SLC49A4: variants seen among roughly 807,000 people sequenced by gnomAD.
The protein encoded by SLC49A4 is disrupted in renal cancer protein 2.
Under a neutral mutation model 50.6 loss-of-function variants are expected in SLC49A4, and 36 were observed. The ratio of observed to expected loss-of-function variants is 0.71; its 90% CI spans 0.55 to 0.94. The LOEUF is 0.94. Ranked by LOEUF, SLC49A4 falls within the 40% of genes least tolerant of loss-of-function variation. The pLI is 0.00. For synonymous variants in SLC49A4, 248 were observed against 241.2 expected (o/e 1.03, Z -0.26); for missense variants, 503 against 605.7 (o/e 0.83, Z 1.78).
At chr3:122,804,875 A>G (rs1208434279) in intron 1 of SLC49A4, among the ~76,000 whole-genome samples, 10 of 152,242 alleles carry the variant, frequency 6.6e-5, no homozygotes, top group African/African-American at 2.4e-4. Context: ...GATAAAAAGC[A>G]TAACTGAGTA....
At chr3:122,858,154 A>G (rs1465473436) in intron 6 of SLC49A4, among the ~76,000 whole-genome samples, 1 of 152,200 alleles carries the variant, frequency 6.6e-6, no homozygotes, top group Non-Finnish European at 1.5e-5. Context: ...ATTAAAGACC[A>G]CTATTAAAGA....
At chr3:122,859,962 C>A (rs1937037351) in intron 6 of SLC49A4, 113 bp from the exon 7 acceptor site, 1 of 975,242 alleles carries the variant, frequency 1.0e-6, no homozygotes, top group East Asian at 3.0e-5. Flanking sequence ...TGAAAACTGT[C>A]TTTTAAAAGA....
chr3:122,798,319 C>T (rs1260818554), intron 1 of SLC49A4, among the ~76,000 whole-genome samples: 1 of 151,294 alleles, frequency 6.6e-6, no homozygotes, highest in Non-Finnish European at 1.5e-5. Flanking sequence ...TGTTAATTTG[C>T]ACCCTTCTTA....
At chr3:122,810,080 T>C (rs1306371012) in intron 2 of SLC49A4, among the ~76,000 whole-genome samples, 1 of 152,224 alleles carries the variant, frequency 6.6e-6, no homozygotes, top group Admixed American at 6.5e-5. Flanking sequence ...GTCTGTGTTT[T>C]TGTGGCCTTG....
At chr3:122,852,143 A>G (rs571572104) in intron 5 of SLC49A4, among the ~76,000 whole-genome samples, 1 of 151,972 alleles carries the variant, frequency 6.6e-6, no homozygotes, top group African/African-American at 2.4e-5. Context: ...AGGCGCGTAC[A>G]ACCATACCCA....
rs147015893 is a variant in SLC49A4 at position 122,856,091 on chromosome 3, T to C, written c.943-216T>C. Among the ~76,000 whole-genome samples, 16 of 152,304 alleles carry C rather than the reference T, an allele frequency of 1.1e-4. 1 individual carries two copies. The East Asian group carries it at 3.1e-3, about 29-fold the overall frequency. ...TAGGCATGTAGTACATACTTGAAAATATTTGTTTGATGACGTTGATTATTT... is the reference window on the plus strand; with the variant it reads ...TAGGCATGTAGTACATACTTGAAAACATTTGTTTGATGACGTTGATTATTT... On this transcript the variant is annotated intron_variant, in intron 5 of 8. Transcript: ENST00000261038.
chr3:122,810,029 G>T (rs1312246826), intron 2 of SLC49A4, among the ~76,000 whole-genome samples: 1 of 152,122 alleles, frequency 6.6e-6, no homozygotes, highest in Middle Eastern at 3.2e-3. Flanking sequence ...GTCTCCATCC[G>T]ATGTTCCAGG....
At chr3:122,813,652 C>T (rs1936328837) in intron 2 of SLC49A4, among the ~76,000 whole-genome samples, 1 of 152,004 alleles carries the variant, frequency 6.6e-6, no homozygotes. Context: ...AAGGATTTGC[C>T]TTAGATTTCT....
chr3:122,840,332 A>C (rs558695827), intron 4 of SLC49A4, among the ~76,000 whole-genome samples: 2 of 152,214 alleles, frequency 1.3e-5, no homozygotes. Flanking sequence ...CTTCACCGCT[A>C]TCCAATTCAT....
Position 122,808,426 on chromosome 3 carries a change from A to G in SLC49A4, c.437+1476A>G, listed in dbSNP as rs1415400411. Among the ~76,000 whole-genome samples the G allele has an allele frequency of 6.0e-4, 92 of 152,226 alleles. 1 individual carries two copies. Among genetic ancestry groups the G allele is most frequent in the Admixed American group, 6.0e-3 (92 of 15,278 alleles). The stretch of plus-strand genomic sequence containing the variant: ...CCTTTTGGGATAAAAACCTGACAGA[A>G]GTAATGGATGATGCAGTATCTAGGA... On this transcript the variant is annotated intron_variant, in intron 2 of 8. Transcript: ENST00000261038.
At chr3:122,805,889 C>T (rs1378320695) in intron 1 of SLC49A4, among the ~76,000 whole-genome samples, 1 of 152,124 alleles carries the variant, frequency 6.6e-6, no homozygotes, top group African/African-American at 2.4e-5. Flanking sequence ...CTATGTGATC[C>T]ACATTGTCTT....
intron 7 of SLC49A4, among the ~76,000 whole-genome samples, chr3:122,868,402 G>A (rs183830128): frequency 6.6e-6 from 1 of 152,134 alleles, no homozygotes; most frequent in Non-Finnish European, 1.5e-5. Context: ...TAATTGAAAG[G>A]CAGTTGATTG....
At chr3:122,843,776 G>C (rs1170845563) in intron 4 of SLC49A4, among the ~76,000 whole-genome samples, 2 of 152,156 alleles carry the variant, frequency 1.3e-5, no homozygotes, top group Non-Finnish European at 2.9e-5. Context: ...TTGTGATTCA[G>C]GTTTTAGTTT....
chr3:122,847,615 G>C (rs536394085), intron 5 of SLC49A4, among the ~76,000 whole-genome samples: 1 of 152,082 alleles, frequency 6.6e-6, no homozygotes, highest in Non-Finnish European at 1.5e-5. Context: ...AAAGTGCTGG[G>C]ATTACAGGCG....
At chr3:122,877,591 G>C (rs991741106) in intron 8 of SLC49A4, among the ~76,000 whole-genome samples, 3 of 152,196 alleles carry the variant, frequency 2.0e-5, no homozygotes, top group African/African-American at 7.2e-5. Context: ...CAGTCTCTAA[G>C]ATATAGCAAC....
Position 122,806,939 on chromosome 3 carries a change from C to G in SLC49A4, c.426C>G (p.Ile142Met), listed in dbSNP as rs2107557059. The change falls in exon 2 of 9, where the codon ATC (isoleucine) becomes ATG (methionine). Residue 142 changes from isoleucine (I) to methionine (M), a missense_variant. Coordinates refer to ENST00000261038, the MANE Select transcript of SLC49A4 (RefSeq NM_032839.3). Reference protein sequence around the residue: ...GLRCIPISDLILKRRLIHGGQ... With the variant: ...GLRCIPISDLMLKRRLIHGGQ... ...GATGCATACCTATATCAGACTTAAT[C>G]CTTAAAAGAAGGTAAATCCTGTAAA... 6.3e-7 allele frequency: 1 copy of G among 1,583,678 alleles called. No homozygotes were observed. The highest frequency in any genetic ancestry group is 8.7e-7 in the Non-Finnish European group (1 of 1,155,210).
At chr3:122,833,515 A>T in intron 4 of SLC49A4, 69 bp downstream of exon 4, 1 of 1,411,386 alleles carries the variant, frequency 7.1e-7, no homozygotes, top group South Asian at 1.5e-5. Flanking sequence ...TTTTTAAAAA[A>T]TAATTTAAGA....
At chr3:122,842,869 C>T (rs1936792318) in intron 4 of SLC49A4, among the ~76,000 whole-genome samples, 1 of 152,184 alleles carries the variant, frequency 6.6e-6, no homozygotes, top group African/African-American at 2.4e-5. Flanking sequence ...CCTTTGGGCT[C>T]TCCAGGGGAG....
intron 2 of SLC49A4, among the ~76,000 whole-genome samples, chr3:122,808,564 A>G (rs1412014994): frequency 6.6e-6 from 1 of 152,158 alleles, no homozygotes; most frequent in Non-Finnish European, 1.5e-5. Flanking sequence ...ATGAGGTCAG[A>G]GCGGTTACAG....
Sources: gnomAD v4.1 joint callset for allele counts (sites outside exome capture counted in the v4.1 genomes callset) on GRCh38, gnomAD v4.1.1 for gene constraint, MANE v1.5 for transcripts, NCBI Gene and HGNC (gene_info 2026-07-23, HGNC 2026-07-21) for gene names.